The following PGGHG variants were observed in gnomAD, a reference collection of about 807,000 sequenced individuals.
PGGHG encodes the protein ATH1, acid trehalase-like 1.
PGGHG carries 67 observed loss-of-function variants against 74.5 expected under a neutral mutation model. That is an observed-to-expected ratio of 0.90 (90% CI 0.74 to 1.10). The LOEUF is 1.10. Among genes scored for constraint, PGGHG ranks in the 50% least tolerant of loss-of-function variants. The pLI is 0.00. For synonymous variants in PGGHG, 496 were observed against 419.9 expected, an observed-to-expected ratio of 1.18 and a Z score of -2.21; for missense variants, 1,034 against 981.5, an observed-to-expected ratio of 1.05 and a Z score of -0.72.
chr11:294,203 G>A lies in PGGHG; in HGVS notation c.1808+7G>A, dbSNP rs1481946911. ...TCGGGTGCACGGGGTTCAGGTAAGT[G>A]CAGAGGCTGGCAGAGGGCAGCCCAT... is the stretch of plus-strand genomic sequence containing the variant. On this transcript the variant is annotated splice_region_variant and intron_variant, in intron 12 of 13. Transcript: ENST00000409548. 1 of 1,601,174 alleles carries A rather than the reference G, an allele frequency of 6.2e-7. No homozygotes were observed.
intron 8 of PGGHG, 52 bp from the exon 9 acceptor site, chr11:293,314 A>T (rs1845783326): frequency 1.9e-6 from 3 of 1,597,910 alleles, no homozygotes; most frequent in Admixed American, 3.4e-5. Context: ...CTAGGCAGGC[A>T]GCAGCTGGAA....
At position 294,275 on chromosome 11, in the gene PGGHG, G is replaced by C. The variant is rs114112322; in HGVS notation, c.1817G>C (p.Arg606Pro). 1 of 1,605,798 alleles carries C rather than the reference G, an allele frequency of 6.2e-7. No individual in the cohort carries two copies. Among genetic ancestry groups the C allele is most frequent in the Admixed American group, 1.7e-5 (1 of 59,550 alleles). ...VFGCTGFRVT[R>P]AGVTFDPVCL... is the part of the protein sequence containing the mutation. The stretch of plus-strand genomic sequence containing the variant: ...AGCCTCTCCTCCCACAGGGTCACCC[G>C]AGCGGGTGTGACCTTTGACCCTGTG... Residue 606 changes from arginine to proline, a missense_variant, in exon 13 of 14, where the codon CGA becomes CCA. By Grantham distance (103) the Arg-to-Pro change is moderately radical (BLOSUM62 -2). Coordinates refer to ENST00000409548, the MANE Select transcript of PGGHG (RefSeq NM_025092.5).
At chr11:291,679 G>C (rs543929579) in intron 4 of PGGHG, 12 of 361,934 alleles carry the variant, frequency 3.3e-5, no homozygotes, top group Admixed American at 2.7e-4. Context: ...CTCAGAGGCC[G>C]AGTCATTCAC....
chr11:293,928 C>G lies in PGGHG; in HGVS notation c.1710+3C>G. Reference sequence around the variant, plus strand: ...CCAACATGGCTGAACCCTTCAAGGTCAGCCTGGCCACACCTGCCTCCCACT... The same window carrying G: ...CCAACATGGCTGAACCCTTCAAGGTGAGCCTGGCCACACCTGCCTCCCACT... On this transcript the variant is annotated splice_donor_region_variant and intron_variant, in intron 11 of 13. Transcript: ENST00000409548. 1 of 1,609,696 alleles carries G rather than the reference C, an allele frequency of 6.2e-7. No homozygotes were observed. The highest frequency in any genetic ancestry group is 8.5e-7 in the Non-Finnish European group (1 of 1,178,374).
In PGGHG at chr11:293,940, A is replaced by T; in HGVS notation, c.1710+15A>T. 5.6e-6 allele frequency: 9 copies of T among 1,607,306 alleles called. No homozygotes were observed. The highest frequency in any genetic ancestry group is 7.6e-6 in the Non-Finnish European group (9 of 1,177,168). ...AACCCTTCAAGGTCAGCCTGGCCAC[A>T]CCTGCCTCCCACTGGGCCCCTTGTG... On this transcript the variant is annotated intron_variant, in intron 11 of 13. Transcript: ENST00000409548.
At position 292,637 on chromosome 11, in the gene PGGHG, C is replaced by A. The variant is rs1439856537; in HGVS notation, c.1118C>A (p.Ala373Asp). The A allele has an allele frequency of 6.2e-7, 1 of 1,613,768 alleles. No homozygotes were observed. The highest frequency in any genetic ancestry group is 2.2e-5 in the East Asian group (1 of 44,884). The stretch of plus-strand genomic sequence containing the variant: ...GTCCAGGAGGTCCACGTCAACGGGG[C>A]CGTGGTGTTGGCCTTCGAGCTGTAC... Reference protein sequence around the residue: ...YGVQEVHVNGAVVLAFELYYH... With the variant: ...YGVQEVHVNGDVVLAFELYYH... Residue 373 changes from alanine (A) to aspartate (D), a missense_variant, in exon 6 of 14, where the codon GCC (alanine) becomes GAC (aspartate). Transcript: ENST00000409548.
intron 5 of PGGHG, 82 bp from the exon 6 acceptor site, chr11:292,464 C>T: frequency 6.4e-7 from 1 of 1,555,654 alleles, no homozygotes; most frequent in Non-Finnish European, 8.8e-7. Flanking sequence ...GCCCCCCCTC[C>T]TCCAGGGCGA....
rs116070009 is a variant in PGGHG, at chr11:290,426, G to A, written c.296G>A (p.Arg99Gln). 1.9e-4 allele frequency: 301 copies of A among 1,548,156 alleles called. 1 individual carries two copies. The highest frequency in any genetic ancestry group is 1.3e-3 in the East Asian group (55 of 40,902). Residue 99 changes from arginine (R) to glutamine (Q), a missense_variant, in exon 3 of 14, where the codon CGG becomes CAG. Transcript: ENST00000409548. The stretch of plus-strand genomic sequence containing the variant: ...CACACCCTGGAGGGCCCCCGCTTCC[G>A]GGCCTCCCAGTGCATCTATGCGCAT... ...FLHTLEGPRF[R>Q]ASQCIYAHRT...
At chr11:291,291 A>G in intron 4 of PGGHG, 178 bp downstream of exon 4, 1 of 795,338 alleles carries the variant, frequency 1.3e-6, no homozygotes, top group South Asian at 2.1e-5. Flanking sequence ...AGGGGAATGG[A>G]AGGTGCAGAG....
In PGGHG at chr11:296,096, G is replaced by C. The variant is rs565957922; in HGVS notation, c.*1347G>C. Reference sequence around the variant, plus strand: ...GAGGTCGGCTCCCCTGACAGGAACCGTGTAGGGTGCAGAAGGCTGAGACCT... The same window carrying C: ...GAGGTCGGCTCCCCTGACAGGAACCCTGTAGGGTGCAGAAGGCTGAGACCT... On this transcript the variant is annotated 3_prime_UTR_variant, in exon 14 of 14. Coordinates refer to ENST00000409548, the MANE Select transcript of PGGHG (RefSeq NM_025092.5). The C allele has an allele frequency of 6.6e-6, 1 of 152,364 alleles. No individual in the cohort carries two copies. The highest frequency in any genetic ancestry group is 2.4e-5 in the African/African-American group (1 of 41,472). The allele number at this position is 152,364 out of a possible 1,614,324, so 9.4% of individuals were successfully genotyped here.
chr11:294,752 AG>A lies in PGGHG; in HGVS notation c.*5del. 6.3e-7 allele frequency: 1 copy of A among 1,586,060 alleles called. No homozygotes were observed. Among genetic ancestry groups the A allele is most frequent in the Non-Finnish European group, 8.6e-7 (1 of 1,163,128 alleles). On this transcript the variant is annotated 3_prime_UTR_variant, in exon 14 of 14. Transcript: ENST00000409548. The stretch of plus-strand genomic sequence containing the variant: ...CTGTGGACCCTGCCTCTGAATAATC[AG>A]GAACGGTGGCTTCAGAGACGTCTCT...
Position 290,068 on chromosome 11 carries a change from CA to C in PGGHG, c.254del (p.Asn85ThrfsTer103). On this transcript the variant is annotated frameshift_variant, in exon 2 of 14. Coordinates refer to ENST00000409548, the MANE Select transcript of PGGHG (RefSeq NM_025092.5). LOFTEE classifies it high-confidence loss of function. ...QLTETFALDT[N>X]TGSFLHTLEG... ...TGACCGAGACCTTCGCCCTGGACAC[CA>C]ACACAGGTAGCGCCACCTGGCCTGC... 1 of 1,530,588 alleles carries C rather than the reference CA, an allele frequency of 6.5e-7. No homozygotes were observed. The highest frequency in any genetic ancestry group is 8.8e-7 in the Non-Finnish European group (1 of 1,140,266). The allele number at this position is 1,530,588 out of a possible 1,614,324, so 94.8% of individuals were successfully genotyped here. A position where few individuals can be genotyped will look rare whatever the true frequency, so the allele number is the denominator to read the frequency against.
Position 292,027 on chromosome 11 carries a change from G to GCCA in PGGHG, c.959_961dup (p.Ala320_Ile321insThr). The GCCA allele has an allele frequency of 6.2e-7, 1 of 1,607,600 alleles. No homozygotes were observed. Among genetic ancestry groups the GCCA allele is most frequent in the Non-Finnish European group, 8.5e-7 (1 of 1,177,432 alleles). Reference sequence around the variant, plus strand: ...GATGTTCCACCCAGAAGCCGCCAGGGCCATCCTGGAGTACCGCATCCGCAC... The same window carrying GCCA: ...GATGTTCCACCCAGAAGCCGCCAGGGCCACCATCCTGGAGTACCGCATCCGCAC... On this transcript the variant is annotated inframe_insertion, in exon 5 of 14. Transcript: ENST00000409548.
Position 295,013 on chromosome 11 carries a change from C to T in PGGHG, c.*264C>T. The T allele has an allele frequency of 2.8e-6, 1 of 359,614 alleles. No homozygotes were observed. The highest frequency in any genetic ancestry group is 5.0e-6 in the Non-Finnish European group (1 of 199,934). 22.3% of individuals were successfully genotyped at this position (359,614 alleles called of 1,614,324 possible). A position where few individuals can be genotyped will look rare whatever the true frequency, so the allele number is the denominator to read the frequency against. ...ACTGATGCTATCGCGCACCGTCCCA[C>T]GACCCCACCCCGAGCTCCTGAAGCC... On this transcript the variant is annotated 3_prime_UTR_variant, in exon 14 of 14. Coordinates refer to ENST00000409548, the MANE Select transcript of PGGHG (RefSeq NM_025092.5).
chr11:290,301 G>T, intron 2 of PGGHG, 89 bp from the exon 3 acceptor site: 1 of 1,412,230 alleles, frequency 7.1e-7, no homozygotes, highest in Non-Finnish European at 9.6e-7. Context: ...CCGCCTCATT[G>T]TGGGGAGAGG....
chr11:293,678 T>C lies in PGGHG; in HGVS notation c.1565T>C (p.Leu522Pro). The C allele has an allele frequency of 6.2e-7, 1 of 1,613,226 alleles. No individual in the cohort carries two copies. Among genetic ancestry groups the C allele is most frequent in the African/African-American group, 1.3e-5 (1 of 75,004 alleles). The change falls in exon 10 of 14, where the codon CTG becomes CCG. Residue 522 changes from leucine to proline, a missense_variant. Transcript: ENST00000409548. Reference protein sequence around the residue: ...SLSPDVRRKNLEIYEAVTSPQ... With the variant: ...SLSPDVRRKNPEIYEAVTSPQ... Reference sequence around the variant, plus strand: ...AGTCCTGATGTTCGCAGGAAAAATCTGGAGATTTACGAGGCTGTGACGTCC... The same window carrying C: ...AGTCCTGATGTTCGCAGGAAAAATCCGGAGATTTACGAGGCTGTGACGTCC...
chr11:292,622 TCCA>T lies in PGGHG; in HGVS notation c.1105_1107del (p.His369del), dbSNP rs1232750131. 6.2e-7 allele frequency: 1 copy of T among 1,613,658 alleles called. No individual in the cohort carries two copies. The highest frequency in any genetic ancestry group is 2.2e-5 in the East Asian group (1 of 44,876). On this transcript the variant is annotated inframe_deletion, in exon 6 of 14. Coordinates refer to ENST00000409548, the MANE Select transcript of PGGHG (RefSeq NM_025092.5). ...GAGGACATTTACGGAGTCCAGGAGG[TCCA>T]CGTCAACGGGGCCGTGGTGTTGGCC...
In PGGHG at chr11:293,242, C is replaced by T. The variant is rs752938892; in HGVS notation, c.1343+7C>T. On this transcript the variant is annotated splice_region_variant and intron_variant, in intron 8 of 13. Transcript: ENST00000409548. ...ACGTCCTGGTCCAGAACAGGTCAGA[C>T]ACAAGATCCCCTCACCTCACCCCAC... The T allele has an allele frequency of 6.2e-7, 1 of 1,612,316 alleles. No homozygotes were observed. Among genetic ancestry groups the T allele is most frequent in the African/African-American group, 1.3e-5 (1 of 75,020 alleles).
In PGGHG at chr11:293,351, T is replaced by TACCTCC; in HGVS notation, c.1344-7_1344-2dup. ...TGTAGGGGTTGCAGCCTCCCCCACCTACCTCCACCTCCAGCCTGCGCTTTG... is the reference window on the plus strand; with the variant it reads ...TGTAGGGGTTGCAGCCTCCCCCACCTACCTCCACCTCCACCTCCAGCCTGCGCTTTG... On this transcript the variant is annotated splice_polypyrimidine_tract_variant and intron_variant, in intron 8 of 13. Coordinates refer to ENST00000409548, the MANE Select transcript of PGGHG (RefSeq NM_025092.5). The TACCTCC allele has an allele frequency of 1.3e-6, 2 of 1,591,428 alleles. No homozygotes were observed. The highest frequency in any genetic ancestry group is 2.2e-5 in the South Asian group (2 of 90,344).
Sources: allele counts gnomAD v4.1 joint callset, GRCh38; gene constraint gnomAD v4.1.1; transcripts MANE v1.5; gene names NCBI Gene and HGNC (gene_info 2026-07-23, HGNC 2026-07-21).